Variants in BIRC6 observed in about 807,000 individuals in gnomAD.
The protein encoded by BIRC6 is dual E2 ubiquitin-conjugating enzyme/E3 ubiquitin-protein ligase BIRC6.
BIRC6 carries 98 observed loss-of-function variants against 503.3 expected under a neutral mutation model. The observed-to-expected ratio is 0.19, with a 90% CI of 0.17 to 0.23. The LOEUF is 0.23. BIRC6 is among the 10% of genes least tolerant of loss of function. BIRC6 has a pLI of 1.00. For missense variants in BIRC6, 5,360 were observed against 5,806.0 expected (o/e 0.92, Z 2.50); for synonymous variants, 2,240 against 2,078.7 (o/e 1.08, Z -2.11).
At chr2:32,452,755 T>TA (rs1198174884) in intron 22 of BIRC6, among the ~76,000 whole-genome samples, 2 of 151,942 alleles carry the variant, frequency 1.3e-5, no homozygotes, top group Admixed American at 6.6e-5. Context: ...CCTTGCAGCT[T>TA]AAAAAAAAGT....
rs781545088 is a variant in BIRC6, at chr2:32,465,061, C to T, written c.5257-4C>T. 9 of 1,559,246 alleles carry T rather than the reference C, an allele frequency of 5.8e-6. No homozygotes were observed. In the East Asian group the frequency reaches 9.1e-5, roughly 16 times the overall value. ...GTTAGATTTTTTTTTTTTCCCTGCT[C>T]TAGAATCCACTTGGTTCTGGTCTAG... On this transcript the variant is annotated splice_region_variant and splice_polypyrimidine_tract_variant and intron_variant, in intron 25 of 73. Coordinates refer to ENST00000421745, the MANE Select transcript of BIRC6 (RefSeq NM_016252.4).
intron 55 of BIRC6, among the ~76,000 whole-genome samples, 189 bp downstream of exon 55, chr2:32,515,959 G>A (rs1176244439): frequency 6.6e-6 from 1 of 152,098 alleles, no homozygotes; most frequent in East Asian, 1.9e-4. Flanking sequence ...TATTCTTTAT[G>A]ATGAGATGAC....
At chr2:32,448,613 TTCGGC>T (rs2046345613) in intron 21 of BIRC6, among the ~76,000 whole-genome samples, 177 bp from the exon 22 acceptor site, 1 of 151,312 alleles carries the variant, frequency 6.6e-6, no homozygotes, top group Non-Finnish European at 1.5e-5. Flanking sequence ...ACAGTCCAGC[TTCGGC>T]TCGGCATCAG....
At chr2:32,560,655 A>G (rs1048183950) in intron 65 of BIRC6, among the ~76,000 whole-genome samples, 3 of 152,080 alleles carry the variant, frequency 2.0e-5, no homozygotes, top group African/African-American at 7.2e-5. Context: ...CTCATAGGGC[A>G]CTGCAGCCTT....
intron 6 of BIRC6, among the ~76,000 whole-genome samples, chr2:32,395,939 G>A (rs768245161): frequency 1.1e-4 from 16 of 152,128 alleles, no homozygotes; most frequent in Non-Finnish European, 2.4e-4. Flanking sequence ...CATGGAGAGA[G>A]CCTTATAGTA....
chr2:32,516,834 C>A (rs1327152547), intron 55 of BIRC6, among the ~76,000 whole-genome samples: 2 of 151,974 alleles, frequency 1.3e-5, no homozygotes, highest in Non-Finnish European at 2.9e-5. Context: ...CTAGCAATAC[C>A]TGCCTCAAGG....
intron 65 of BIRC6, among the ~76,000 whole-genome samples, chr2:32,555,806 G>C (rs2058729702): frequency 6.7e-6 from 1 of 149,606 alleles, no homozygotes; most frequent in Admixed American, 6.7e-5. Flanking sequence ...ATCAACACTC[G>C]CCTGTAGTCC....
intron 50 of BIRC6, among the ~76,000 whole-genome samples, chr2:32,507,779 C>G (rs1201435759): frequency 1.3e-5 from 2 of 152,030 alleles, no homozygotes; most frequent in Non-Finnish European, 2.9e-5. Flanking sequence ...TATTGTAGAT[C>G]AAATATTTTG....
At chr2:32,489,365 C>T (rs932795494) in intron 42 of BIRC6, among the ~76,000 whole-genome samples, 13 of 152,036 alleles carry the variant, frequency 8.6e-5, no homozygotes, top group Non-Finnish European at 1.8e-4. Flanking sequence ...ATTCTACTTA[C>T]ATCTGCACTG....
rs113455648 is a variant in BIRC6 at position 32,383,557 on chromosome 2, G to C, written c.645+3267G>C. The stretch of plus-strand genomic sequence containing the variant: ...GTCTTTATTTTATTTTATTTTTTGA[G>C]ATGGAGTCTCACTTTGTCACCCAGG... On this transcript the variant is annotated intron_variant, in intron 3 of 73. Transcript: ENST00000421745. 7.9e-3 allele frequency among the ~76,000 whole-genome samples: 1,203 copies of C among 151,676 alleles called. 13 individuals are homozygous for C. The highest frequency in any genetic ancestry group is 0.017 in the Middle Eastern group (5 of 292).
At chr2:32,491,927 C>T (rs2051772846) in intron 44 of BIRC6, among the ~76,000 whole-genome samples, 1 of 151,986 alleles carries the variant, frequency 6.6e-6, no homozygotes, top group Admixed American at 6.6e-5. Flanking sequence ...TATCAATTCA[C>T]CTTAATCATT....
intron 66 of BIRC6, among the ~76,000 whole-genome samples, chr2:32,591,203 A>G (rs2151348753): frequency 6.6e-6 from 1 of 152,310 alleles, no homozygotes; most frequent in Middle Eastern, 3.4e-3. Flanking sequence ...AAGATTTCTC[A>G]TTAGAACCTG....
chr2:32,552,772 G>A (rs946814920), intron 65 of BIRC6, among the ~76,000 whole-genome samples: 4 of 152,036 alleles, frequency 2.6e-5, no homozygotes, highest in East Asian at 1.9e-4. Flanking sequence ...ATTCCAGCAT[G>A]GGTGACAGAG....
At chr2:32,453,131 G>T (rs1029980971) in intron 22 of BIRC6, among the ~76,000 whole-genome samples, 12 of 151,204 alleles carry the variant, frequency 7.9e-5, no homozygotes, top group Non-Finnish European at 2.9e-5. Context: ...AGCTGCATAC[G>T]CAGTCCCTGT....
chr2:32,578,381 TC>T (rs773124242), intron 66 of BIRC6, among the ~76,000 whole-genome samples: 41 of 152,284 alleles, frequency 2.7e-4, no homozygotes, highest in Admixed American at 4.6e-4. Flanking sequence ...CAACTGTATT[TC>T]ACAAAAATCC....
chr2:32,498,783 G>A lies in BIRC6; in HGVS notation c.8469-764G>A, dbSNP rs1161592669. Among the ~76,000 whole-genome samples the A allele has an allele frequency of 2.6e-5, 4 of 151,966 alleles. No individual in the cohort carries two copies. In the East Asian group the frequency reaches 5.8e-4, roughly 22 times the overall value. ...GTATTTTCAGTAGAGATGGGGTTTC[G>A]CCATGTTGGCCAGGTTGGTCTCAAA... On this transcript the variant is annotated intron_variant, in intron 45 of 73. Coordinates refer to ENST00000421745, the MANE Select transcript of BIRC6 (RefSeq NM_016252.4).
chr2:32,507,298 C>T (rs2053906526), intron 50 of BIRC6, among the ~76,000 whole-genome samples: 1 of 152,126 alleles, frequency 6.6e-6, no homozygotes. Flanking sequence ...GATGTAGTGG[C>T]ACCTACCTGT....
chr2:32,575,101 C>A (rs2060175264), intron 65 of BIRC6, 55 bp from the exon 66 acceptor site: 1 of 1,567,444 alleles, frequency 6.4e-7, no homozygotes, highest in East Asian at 2.2e-5. Flanking sequence ...TCCTGTGGAC[C>A]TACTTTTATA....
At chr2:32,513,276 A>T (rs2054621565) in intron 54 of BIRC6, 122 bp downstream of exon 54, 5 of 675,068 alleles carry the variant, frequency 7.4e-6, no homozygotes, top group Non-Finnish European at 1.2e-5. Context: ...AGTAGCAAAT[A>T]TAATCAAGTA....
Sources: gnomAD v4.1 joint callset for allele counts (sites outside exome capture counted in the v4.1 genomes callset) on GRCh38, gnomAD v4.1.1 for gene constraint, MANE v1.5 for transcripts, NCBI Gene and HGNC (gene_info 2026-07-23, HGNC 2026-07-21) for gene names.